GPA33: variants seen among roughly 807,000 people sequenced by gnomAD.
GPA33 encodes the protein cell surface A33 antigen.
In GPA33, 27 loss-of-function variants were observed where a neutral mutation model predicts 35.6. The observed-to-expected ratio is 0.76, with a 90% CI of 0.56 to 1.04. The LOEUF (loss-of-function observed/expected upper bound fraction) is 1.04, where lower values mean the gene tolerates loss of function less well. Among genes scored for constraint, GPA33 ranks in the 50% least tolerant of loss-of-function variants. GPA33 has a pLI of 0.00. For missense variants in GPA33, 428 were observed against 411.9 expected (o/e 1.04, Z -0.34); for synonymous variants, 176 against 164.0 (o/e 1.07, Z -0.56).
chr1:167,066,136 G>A lies in GPA33; in HGVS notation c.416-2399C>T, dbSNP rs921624223. Among the ~76,000 whole-genome samples the A allele has an allele frequency of 1.4e-4, 21 of 152,270 alleles. 1 individual carries two copies. The highest frequency in any genetic ancestry group is 5.1e-4 in the African/African-American group (21 of 41,542). On this transcript the variant is annotated intron_variant, in intron 3 of 6. Transcript: ENST00000367868. The stretch of plus-strand genomic sequence containing the variant: ...AGGCTTTATTCCACAATTGGAGAGC[G>A]GGCAAAACACCAATCCCACCTGAGG...
At chr1:167,080,963 C>T (rs1054825614) in intron 1 of GPA33, among the ~76,000 whole-genome samples, 5 of 151,962 alleles carry the variant, frequency 3.3e-5, no homozygotes, top group African/African-American at 4.8e-5. Flanking sequence ...GGAAATTGAC[C>T]AAAAGTAAAA....
intron 6 of GPA33, 145 bp downstream of exon 6, chr1:167,054,831 C>T (rs553913271): frequency 1.1e-6 from 1 of 938,896 alleles, no homozygotes; most frequent in Admixed American, 2.2e-5. Context: ...CATTTTATGG[C>T]TTGGACAGGT....
At chr1:167,073,295 A>G in intron 2 of GPA33, 90 bp downstream of exon 2, 2 of 1,107,330 alleles carry the variant, frequency 1.8e-6, no homozygotes, top group Non-Finnish European at 2.7e-6. Flanking sequence ...TCTACCATTT[A>G]TGGAAAGACT....
chr1:167,063,758 A>G (rs760582582), intron 3 of GPA33, 21 bp from the exon 4 acceptor site: 2 of 1,605,324 alleles, frequency 1.2e-6, no homozygotes, highest in Admixed American at 1.7e-5. Context: ...GAGAGACCAA[A>G]GAGAAGGCAT....
rs1347740534 is a variant in GPA33 at position 167,053,303 on chromosome 1, A to C, written c.*1031T>G. 1 of 152,270 alleles carries C rather than the reference A, an allele frequency of 6.6e-6. No homozygotes were observed. Among genetic ancestry groups the C allele is most frequent in the Admixed American group, 6.5e-5 (1 of 15,290 alleles). The allele number at this position is 152,270 out of a possible 1,614,324, so 9.4% of individuals were successfully genotyped here. A position where few individuals can be genotyped will look rare whatever the true frequency, so the allele number is the denominator to read the frequency against. ...CAAGCAAGCTCCCTTGTGTGTGTTC[A>C]CTTTAAATCAATTCGTGTTTAACTC... On this transcript the variant is annotated 3_prime_UTR_variant, in exon 7 of 7. Transcript: ENST00000367868.
chr1:167,065,775 A>G (rs981354419), intron 3 of GPA33, among the ~76,000 whole-genome samples: 1 of 152,154 alleles, frequency 6.6e-6, no homozygotes, highest in Non-Finnish European at 1.5e-5. Context: ...CATGAGGGAA[A>G]TTAGAGGCCC....
In GPA33 at chr1:167,055,073, C is replaced by A. The variant is rs1456105522; in HGVS notation, c.730G>T (p.Gly244Cys). ...ATGATAATGAGGGCTGCAACCACGC[C>A]CACCGCGATGCCCACATACAGGGCC... ...NVALYVGIAVGVVAALIIIGI... is the reference protein window; with the variant it reads ...NVALYVGIAVCVVAALIIIGI... Residue 244 changes from glycine (G) to cysteine (C), a missense_variant, in exon 6 of 7, where the codon GGC becomes TGC. Coordinates refer to ENST00000367868, the MANE Select transcript of GPA33 (RefSeq NM_005814.3). The A allele has an allele frequency of 6.2e-7, 1 of 1,613,636 alleles. No homozygotes were observed. Among genetic ancestry groups the A allele is most frequent in the Admixed American group, 1.7e-5 (1 of 60,004 alleles).
Position 167,068,992 on chromosome 1 carries a change from G to C in GPA33, c.345C>G (p.Tyr115Ter), listed in dbSNP as rs146226279. ...DQLTMADNGT[Y>*]ECSVSLMSDL... ...CTGACATCAGCGAGACAGAACACTCGTAGGTGCCGTTGTCAGCCATGGTCA... is the reference window on the plus strand; with the variant it reads ...CTGACATCAGCGAGACAGAACACTCCTAGGTGCCGTTGTCAGCCATGGTCA... Residue 115 changes from tyrosine to a stop codon, truncating the protein, a stop_gained, in exon 3 of 7, where the codon TAC becomes TAG. Transcript: ENST00000367868. LOFTEE classifies it high-confidence loss of function. 6.2e-7 allele frequency: 1 copy of C among 1,614,068 alleles called. No homozygotes were observed. Among genetic ancestry groups the C allele is most frequent in the Non-Finnish European group, 8.5e-7 (1 of 1,180,024 alleles).
intron 1 of GPA33, among the ~76,000 whole-genome samples, chr1:167,089,723 C>T (rs1667119342): frequency 6.6e-6 from 1 of 152,120 alleles, no homozygotes; most frequent in African/African-American, 2.4e-5. Context: ...TGGCAAGGAG[C>T]TTTGGCCTTT....
intron 4 of GPA33, among the ~76,000 whole-genome samples, chr1:167,056,675 TGTGTCTG>T (rs1666278671): frequency 9.0e-4 from 1 of 1,112 alleles, no homozygotes; most frequent in African/African-American, 3.9e-3. Context: ...GAGTGTGTGA[TGTGTCTG>T]GTGTGTGGTG....
rs559001549 is a variant in GPA33, at chr1:167,057,210, C to G, written c.572-1361G>C. 2.6e-5 allele frequency among the ~76,000 whole-genome samples: 4 copies of G among 152,180 alleles called. No individual in the cohort carries two copies. In the South Asian group the frequency reaches 8.3e-4, roughly 32 times the overall value. Reference sequence around the variant, plus strand: ...GTGAAAACACCTGATCCTCCTGAATCGAAGAGAACGGACCAGAATATCTCA... The same window carrying G: ...GTGAAAACACCTGATCCTCCTGAATGGAAGAGAACGGACCAGAATATCTCA... On this transcript the variant is annotated intron_variant, in intron 4 of 6. Coordinates refer to ENST00000367868, the MANE Select transcript of GPA33 (RefSeq NM_005814.3).
intron 2 of GPA33, among the ~76,000 whole-genome samples, chr1:167,072,532 A>G (rs1233453968): frequency 2.0e-5 from 3 of 152,178 alleles, no homozygotes; most frequent in African/African-American, 7.2e-5. Context: ...CATGACCCAG[A>G]GTTTTAATAA....
chr1:167,056,259 GCA>G (rs919923268), intron 4 of GPA33, among the ~76,000 whole-genome samples: 2 of 152,106 alleles, frequency 1.3e-5, no homozygotes, highest in African/African-American at 4.8e-5. Context: ...GAAACATAAT[GCA>G]CATTATGTAT....
chr1:167,063,396 C>T (rs192379454), intron 4 of GPA33, among the ~76,000 whole-genome samples, 186 bp downstream of exon 4: 8 of 152,214 alleles, frequency 5.3e-5, no homozygotes, highest in Middle Eastern at 3.4e-3. Flanking sequence ...GGCCACCTGG[C>T]GAGACTCTGT....
intron 1 of GPA33, among the ~76,000 whole-genome samples, chr1:167,075,854 G>A (rs115825699): frequency 6.6e-6 from 1 of 152,348 alleles, no homozygotes; most frequent in Non-Finnish European, 1.5e-5. Context: ...GAGACAGGAA[G>A]AGAACCAAGA....
At chr1:167,069,559 C>T (rs1666674859) in intron 2 of GPA33, among the ~76,000 whole-genome samples, 9 of 152,208 alleles carry the variant, frequency 5.9e-5, no homozygotes, top group Admixed American at 5.9e-4. Flanking sequence ...GCCTTGGCTG[C>T]CAAACCCACT....
chr1:167,053,445 G>A lies in GPA33; in HGVS notation c.*889C>T, dbSNP rs1490810259. 6.6e-6 allele frequency: 1 copy of A among 152,298 alleles called. No individual in the cohort carries two copies. The allele number at this position is 152,298 out of a possible 1,614,324, so 9.4% of individuals were successfully genotyped here. A position where few individuals can be genotyped will look rare whatever the true frequency, so the allele number is the denominator to read the frequency against. On this transcript the variant is annotated 3_prime_UTR_variant, in exon 7 of 7. Transcript: ENST00000367868. ...GCAGTTTCCCCAATTAAGCTTAAGT[G>A]CCCACTAGGATGGGCGCCAGCTACT...
intron 4 of GPA33, among the ~76,000 whole-genome samples, chr1:167,062,286 G>A (rs746662164): frequency 4.6e-4 from 70 of 151,806 alleles, no homozygotes; most frequent in Non-Finnish European, 8.8e-4. Flanking sequence ...TGTGATCATG[G>A]CTCACTGCAG....
chr1:167,063,744 A>G lies in GPA33; in HGVS notation c.416-7T>C, dbSNP rs1315509862. On this transcript the variant is annotated splice_polypyrimidine_tract_variant and splice_region_variant and intron_variant, in intron 3 of 6. Transcript: ENST00000367868. The stretch of plus-strand genomic sequence containing the variant: ...TCTGGTTTGGAGGGTGGCACTATAT[A>G]GAGGAGAGACCAAAGAGAAGGCATG... The G allele has an allele frequency of 6.2e-6, 10 of 1,610,338 alleles. No homozygotes were observed. Among genetic ancestry groups the G allele is most frequent in the Non-Finnish European group, 8.5e-6 (10 of 1,178,786 alleles).
Sources: allele counts gnomAD v4.1 joint callset (sites outside exome capture counted in the v4.1 genomes callset), GRCh38; gene constraint gnomAD v4.1.1; transcripts MANE v1.5; gene names NCBI Gene and HGNC (gene_info 2026-07-23, HGNC 2026-07-21).